The following PRKCE variants were observed in gnomAD, a reference collection of about 807,000 sequenced individuals.
PRKCE encodes protein kinase C epsilon type.
In PRKCE, 16 loss-of-function variants were observed where a neutral mutation model predicts 85.4. The observed-to-expected ratio is 0.19, with a 90% CI of 0.13 to 0.28. The LOEUF (loss-of-function observed/expected upper bound fraction) is 0.28. Ranked by LOEUF, PRKCE falls within the 10% of genes least tolerant of loss-of-function variation. The pLI is 1.00. For synonymous variants in PRKCE, 388 were observed against 371.5 expected (o/e 1.04, Z -0.51); for missense variants, 573 against 975.2 (o/e 0.59, Z 5.49).
chr2:46,040,397 G>A (rs1291307055), intron 10 of PRKCE, among the ~76,000 whole-genome samples: 3 of 152,186 alleles, frequency 2.0e-5, no homozygotes, highest in Admixed American at 6.5e-5. Flanking sequence ...GCAGAGCACC[G>A]TGAATACCTT....
chr2:46,148,550 C>CTT (rs1342402451), intron 12 of PRKCE, among the ~76,000 whole-genome samples: 2 of 152,224 alleles, frequency 1.3e-5, no homozygotes, highest in Non-Finnish European at 2.9e-5. Flanking sequence ...CACTGTAGCA[C>CTT]CCAGTGTGCC....
intron 2 of PRKCE, among the ~76,000 whole-genome samples, chr2:45,878,576 T>C (rs13427182): frequency 0.51 from 77,710 of 152,098 alleles, 22,586 homozygotes; most frequent in East Asian, 0.97. Flanking sequence ...TCCCTAGATC[T>C]TCACTACTAT....
chr2:46,075,420 G>GAGCA (rs1668475228), intron 10 of PRKCE, among the ~76,000 whole-genome samples: 1 of 152,092 alleles, frequency 6.6e-6, no homozygotes, highest in Admixed American at 6.5e-5. Context: ...AGGTGCCAGT[G>GAGCA]AGCAACCTGT....
At chr2:45,899,717 C>T (rs146938050) in intron 2 of PRKCE, among the ~76,000 whole-genome samples, 3 of 152,242 alleles carry the variant, frequency 2.0e-5, no homozygotes, top group East Asian at 1.9e-4. Context: ...CCATAGTTCC[C>T]GAAGGCCCTG....
chr2:46,111,203 A>T (rs1364440820), intron 11 of PRKCE, among the ~76,000 whole-genome samples: 1 of 150,522 alleles, frequency 6.6e-6, no homozygotes, highest in Non-Finnish European at 1.5e-5. Flanking sequence ...TATAAATGTT[A>T]AGTTGATTGC....
chr2:45,887,693 T>G (rs1374387877), intron 2 of PRKCE, among the ~76,000 whole-genome samples: 1 of 152,208 alleles, frequency 6.6e-6, no homozygotes, highest in East Asian at 1.9e-4. Flanking sequence ...CATCTGCAAA[T>G]GATGTCCTGG....
chr2:45,934,780 A>G (rs1053163328), intron 2 of PRKCE, among the ~76,000 whole-genome samples: 3 of 151,930 alleles, frequency 2.0e-5, no homozygotes, highest in African/African-American at 7.3e-5. Flanking sequence ...TGGGCTGGGC[A>G]TGGTGGCTCA....
chr2:45,740,629 A>G (rs1682479755), intron 1 of PRKCE, among the ~76,000 whole-genome samples: 1 of 152,032 alleles, frequency 6.6e-6, no homozygotes, highest in African/African-American at 2.4e-5. Context: ...AGTCTTTTCC[A>G]TTCCAGTTTT....
chr2:45,911,919 G>A (rs1697408141), intron 2 of PRKCE, among the ~76,000 whole-genome samples: 1 of 152,028 alleles, frequency 6.6e-6, no homozygotes, highest in Admixed American at 6.6e-5. Flanking sequence ...AACAGGTGCT[G>A]GTATGTCAGC....
intron 1 of PRKCE, among the ~76,000 whole-genome samples, chr2:45,836,998 G>A (rs1336916154): frequency 6.6e-6 from 1 of 152,190 alleles, no homozygotes; most frequent in African/African-American, 2.4e-5. Context: ...GACATCTCAG[G>A]CAAAAGTTGA....
In PRKCE at chr2:45,744,481, CTTT is replaced by C. The variant is rs1558623755; in HGVS notation, c.348+92034_348+92036del. ...TCTTTCTTTCTTTCTTTCTTTCTTT[CTTT>C]CTTTTTCTTTCTTTCTTTTCTTTCT... On this transcript the variant is annotated intron_variant, in intron 1 of 14. Transcript: ENST00000306156. Among the ~76,000 whole-genome samples, 212 of 43,022 alleles carry C rather than the reference CTTT, an allele frequency of 4.9e-3. 4 individuals carry two copies. The highest frequency in any genetic ancestry group is 0.013 in the African/African-American group (146 of 10,950). 28.2% of individuals were successfully genotyped at this position (43,022 alleles called of 152,430 possible). A position where few individuals can be genotyped will look rare whatever the true frequency, so the allele number is the denominator to read the frequency against.
At chr2:46,137,689 G>A (rs1675131696) in intron 11 of PRKCE, among the ~76,000 whole-genome samples, 1 of 151,294 alleles carries the variant, frequency 6.6e-6, no homozygotes, top group Non-Finnish European at 1.5e-5. Context: ...CTTGATCCTG[G>A]GAGGCAGAGG....
At chr2:45,985,493 GT>G (rs1703243208) in intron 6 of PRKCE, among the ~76,000 whole-genome samples, 1 of 152,128 alleles carries the variant, frequency 6.6e-6, no homozygotes, top group Admixed American at 6.5e-5. Flanking sequence ...TTAAAATAGT[GT>G]TTTACTGTTT....
intron 6 of PRKCE, among the ~76,000 whole-genome samples, chr2:45,985,616 A>T (rs1703258913): frequency 6.6e-6 from 1 of 152,212 alleles, no homozygotes. Flanking sequence ...AGGGATCCCA[A>T]TGAGAAACTA....
intron 10 of PRKCE, among the ~76,000 whole-genome samples, chr2:46,028,105 C>A (rs1707256042): frequency 6.6e-6 from 1 of 152,170 alleles, no homozygotes; most frequent in Admixed American, 6.5e-5. Flanking sequence ...CTGCACCCGG[C>A]TGACTTTTGT....
intron 1 of PRKCE, among the ~76,000 whole-genome samples, chr2:45,834,212 C>G (rs1690663639): frequency 6.6e-6 from 1 of 152,178 alleles, no homozygotes; most frequent in Non-Finnish European, 1.5e-5. Context: ...AAGATAATGG[C>G]TGCTGCTAAC....
intron 2 of PRKCE, among the ~76,000 whole-genome samples, chr2:45,867,271 C>T (rs1388604440): frequency 4.6e-5 from 7 of 152,200 alleles, no homozygotes; most frequent in African/African-American, 1.4e-4. Flanking sequence ...CTACTGAGGC[C>T]TTGGAATAGG....
At chr2:45,976,187 G>T (rs1261409971) in intron 2 of PRKCE, among the ~76,000 whole-genome samples, 2 of 152,162 alleles carry the variant, frequency 1.3e-5, no homozygotes, top group South Asian at 4.1e-4. Context: ...ATTTGGATTG[G>T]ATGGAATCTG....
At chr2:45,744,099 T>G (rs1423099002) in intron 1 of PRKCE, among the ~76,000 whole-genome samples, 1 of 152,056 alleles carries the variant, frequency 6.6e-6, no homozygotes, top group Non-Finnish European at 1.5e-5. Context: ...CTGAGTAACT[T>G]TGTCTTTCTT....
Sources: gnomAD v4.1 joint callset for allele counts (sites outside exome capture counted in the v4.1 genomes callset) on GRCh38, gnomAD v4.1.1 for gene constraint, MANE v1.5 for transcripts, NCBI Gene and HGNC (gene_info 2026-07-23, HGNC 2026-07-21) for gene names.